ERBIN: variants seen among roughly 807,000 people sequenced by gnomAD.
ERBIN encodes the protein erbb2 interacting protein.
A neutral mutation model predicts 158.4 loss-of-function variants in ERBIN; 60 were observed. The observed-to-expected ratio is 0.38, with a 90% CI of 0.31 to 0.47. The LOEUF is 0.47. ERBIN is among the 20% of genes least tolerant of loss of function. The probability of loss-of-function intolerance (pLI) is 0.99; values close to 1 mark genes in which losing one functional copy is unlikely to be tolerated. For synonymous variants in ERBIN, 594 were observed against 557.2 expected (o/e 1.07, Z -0.93); for missense variants, 1,610 against 1,648.0 (o/e 0.98, Z 0.40).
At chr5:66,028,029 C>G (rs373704135) in intron 13 of ERBIN, among the ~76,000 whole-genome samples, 1 of 151,966 alleles carries the variant, frequency 6.6e-6, no homozygotes, top group Non-Finnish European at 1.5e-5. Flanking sequence ...TTCTATTATC[C>G]ATTTTCTTAC....
At chr5:65,947,116 A>G (rs1745857354) in intron 1 of ERBIN, among the ~76,000 whole-genome samples, 1 of 152,216 alleles carries the variant, frequency 6.6e-6, no homozygotes, top group South Asian at 2.1e-4. Flanking sequence ...AATCCCATTT[A>G]TTATTCTTTT....
At chr5:65,976,442 C>T (rs918550727) in intron 1 of ERBIN, among the ~76,000 whole-genome samples, 3 of 151,940 alleles carry the variant, frequency 2.0e-5, no homozygotes, top group Non-Finnish European at 4.4e-5. Context: ...CACTGTACTC[C>T]AGCCTGGGTG....
At chr5:66,065,589 AC>A (rs532953378) in intron 21 of ERBIN, among the ~76,000 whole-genome samples, 30 of 122,538 alleles carry the variant, frequency 2.4e-4, no homozygotes, top group African/African-American at 9.0e-4. Flanking sequence ...ATTAATTTTG[AC>A]CTGTGTGTGT....
intron 1 of ERBIN, among the ~76,000 whole-genome samples, chr5:65,946,124 GGAGGCTGA>G (rs1214924187): frequency 2.0e-5 from 3 of 152,044 alleles, no homozygotes; most frequent in African/African-American, 7.2e-5. Context: ...CAGCACTTTG[GGAGGCTGA>G]GATGGGCAGC....
At chr5:66,023,932 C>A in intron 9 of ERBIN, among the ~76,000 whole-genome samples, 1 of 152,106 alleles carries the variant, frequency 6.6e-6, no homozygotes, top group East Asian at 1.9e-4. Flanking sequence ...CTGCCTCGGC[C>A]TACCAAAGTG....
rs1463368021 is a variant in ERBIN at position 66,082,153 on chromosome 5, A to G, written c.*3623A>G. On this transcript the variant is annotated 3_prime_UTR_variant, in exon 26 of 26. Transcript: ENST00000284037. ...GAATCTGTGGTCAGCTATAACGTAC[A>G]GTCCTAATATCCAACCACCTGAGAA... is the stretch of plus-strand genomic sequence containing the variant. 6.6e-6 allele frequency: 1 copy of G among 152,230 alleles called. No individual in the cohort carries two copies. Among genetic ancestry groups the G allele is most frequent in the Non-Finnish European group, 1.5e-5 (1 of 68,044 alleles). The allele number at this position is 152,230 out of a possible 1,614,324, so 9.4% of individuals were successfully genotyped here.
intron 9 of ERBIN, 79 bp from the exon 10 acceptor site, chr5:66,024,227 G>T: frequency 2.1e-6 from 2 of 949,930 alleles, no homozygotes; most frequent in East Asian, 2.7e-5. Context: ...ATTAAAACTT[G>T]GTATCAAGTT....
At chr5:66,006,797 C>G (rs922397070) in intron 4 of ERBIN, among the ~76,000 whole-genome samples, 2 of 152,084 alleles carry the variant, frequency 1.3e-5, no homozygotes, top group African/African-American at 4.8e-5. Context: ...AAGTGCTCAT[C>G]ATCACTGGCC....
chr5:66,066,251 C>T (rs575194251), intron 21 of ERBIN, among the ~76,000 whole-genome samples: 7 of 152,194 alleles, frequency 4.6e-5, no homozygotes, highest in African/African-American at 1.7e-4. Flanking sequence ...AGGATTTAGA[C>T]TCCAAACTTC....
At chr5:65,955,031 A>G (rs1278471185) in intron 1 of ERBIN, among the ~76,000 whole-genome samples, 1 of 152,022 alleles carries the variant, frequency 6.6e-6, no homozygotes, top group Non-Finnish European at 1.5e-5. Flanking sequence ...CCCCACTTGC[A>G]CTCCAGCCTG....
At chr5:66,049,564 C>G (rs1223073589) in intron 19 of ERBIN, among the ~76,000 whole-genome samples, 1 of 152,102 alleles carries the variant, frequency 6.6e-6, no homozygotes, top group Non-Finnish European at 1.5e-5. Context: ...TAAGAAAGAA[C>G]TTAACAACCA....
chr5:65,969,696 T>A (rs1346590171), intron 1 of ERBIN, among the ~76,000 whole-genome samples: 1 of 152,210 alleles, frequency 6.6e-6, no homozygotes, highest in Non-Finnish European at 1.5e-5. Context: ...AGGTTTTAAC[T>A]AGTTGCATTG....
rs551250283 is a variant in ERBIN, at chr5:65,957,949, T to A, written c.-57-30686T>A. Among the ~76,000 whole-genome samples, 324 of 148,482 alleles carry A rather than the reference T, an allele frequency of 2.2e-3. 1 individual carries two copies. Among genetic ancestry groups the A allele is most frequent in the African/African-American group, 7.7e-3 (307 of 40,078 alleles). On this transcript the variant is annotated intron_variant, in intron 1 of 25. Coordinates refer to ENST00000284037, the MANE Select transcript of ERBIN (RefSeq NM_001253697.2). ...CTCCTCACTTCTCAGATGGGGCGGCTGCTGGGCGGAGGGGCTCCTCACCTC... is the reference window on the plus strand; with the variant it reads ...CTCCTCACTTCTCAGATGGGGCGGCAGCTGGGCGGAGGGGCTCCTCACCTC...
chr5:66,068,048 T>G (rs1761179289), intron 21 of ERBIN, among the ~76,000 whole-genome samples: 1 of 152,136 alleles, frequency 6.6e-6, no homozygotes, highest in African/African-American at 2.4e-5. Context: ...TGAAATGTGG[T>G]CCGGCACAGT....
At chr5:66,071,806 T>C (rs904442207) in intron 21 of ERBIN, among the ~76,000 whole-genome samples, 1 of 151,860 alleles carries the variant, frequency 6.6e-6, no homozygotes, top group African/African-American at 2.4e-5. Context: ...TTTGAGACTC[T>C]AAACTTTGAT....
intron 1 of ERBIN, among the ~76,000 whole-genome samples, chr5:65,963,792 CTTTTT>C (rs5868429): frequency 8.1e-6 from 1 of 122,978 alleles, no homozygotes; most frequent in Non-Finnish European, 1.8e-5. Flanking sequence ...TCTTTCTTTT[CTTTTT>C]TTTTTTTTTT....
intron 1 of ERBIN, among the ~76,000 whole-genome samples, chr5:65,977,197 G>A (rs1380001997): frequency 3.9e-4 from 50 of 126,610 alleles, no homozygotes; most frequent in South Asian, 9.8e-4. Context: ...GCGGGGGGCT[G>A]ACCCCCCCCC....
At chr5:66,071,674 G>A (rs574679382) in intron 21 of ERBIN, among the ~76,000 whole-genome samples, 1 of 149,198 alleles carries the variant, frequency 6.7e-6, no homozygotes, top group Admixed American at 6.6e-5. Context: ...TAAAATTTAG[G>A]GGAAAAAAAT....
chr5:65,948,479 G>GT (rs1304704840), intron 1 of ERBIN, among the ~76,000 whole-genome samples: 5 of 151,606 alleles, frequency 3.3e-5, no homozygotes, highest in African/African-American at 7.3e-5. Flanking sequence ...CATCCAGCTG[G>GT]TTTTTTTTCT....
Sources: allele counts gnomAD v4.1 joint callset (sites outside exome capture counted in the v4.1 genomes callset), GRCh38; gene constraint gnomAD v4.1.1; transcripts MANE v1.5; gene names NCBI Gene and HGNC (gene_info 2026-07-23, HGNC 2026-07-21).